Variants in PLCB4 observed in about 807,000 individuals in gnomAD.
The protein encoded by PLCB4 is 1-phosphatidylinositol 4,5-bisphosphate phosphodiesterase beta-4.
PLCB4 carries 77 observed loss-of-function variants against 178.8 expected under a neutral mutation model. That is an observed-to-expected ratio of 0.43 (90% CI 0.36 to 0.52). The LOEUF is 0.52. PLCB4 is among the 20% of genes least tolerant of loss of function. The pLI is 0.00. For synonymous variants in PLCB4, 496 were observed against 490.8 expected, an observed-to-expected ratio of 1.01 and a Z score of -0.14; for missense variants, 1,024 against 1,453.4, an observed-to-expected ratio of 0.70 and a Z score of 4.80.
chr20:9,456,015 TA>T (rs2043034969), intron 33 of PLCB4, among the ~76,000 whole-genome samples: 1 of 152,144 alleles, frequency 6.6e-6, no homozygotes, highest in East Asian at 1.9e-4. Flanking sequence ...TTTGTATTTT[TA>T]ATAGAAATGG....
chr20:9,138,138 G>A (rs2092420287), intron 2 of PLCB4, among the ~76,000 whole-genome samples: 1 of 152,068 alleles, frequency 6.6e-6, no homozygotes. Flanking sequence ...AACGTATCAG[G>A]AAGATAAGAG....
chr20:9,414,402 C>A (rs1192461144), intron 25 of PLCB4, among the ~76,000 whole-genome samples: 1 of 152,204 alleles, frequency 6.6e-6, no homozygotes, highest in Non-Finnish European at 1.5e-5. Flanking sequence ...GAGCTCCTGT[C>A]ACTGGTGCTC....
chr20:9,267,049 G>A (rs1054602380), intron 3 of PLCB4, among the ~76,000 whole-genome samples: 2 of 152,184 alleles, frequency 1.3e-5, no homozygotes, highest in Middle Eastern at 3.4e-3. Context: ...AATGGAGCAC[G>A]ACATACTACG....
intron 18 of PLCB4, among the ~76,000 whole-genome samples, chr20:9,395,125 A>G (rs548294281): frequency 6.6e-6 from 1 of 152,250 alleles, no homozygotes; most frequent in East Asian, 1.9e-4. Context: ...TTTGTTGCCA[A>G]CCTGCCTATT....
chr20:9,212,194 A>T (rs1174532175), intron 2 of PLCB4, among the ~76,000 whole-genome samples: 1 of 152,196 alleles, frequency 6.6e-6, no homozygotes, highest in Non-Finnish European at 1.5e-5. Context: ...ACACCAAAAT[A>T]AGTGGTTATT....
chr20:9,265,917 C>T (rs899336815), intron 3 of PLCB4, among the ~76,000 whole-genome samples: 1 of 152,160 alleles, frequency 6.6e-6, no homozygotes, highest in African/African-American at 2.4e-5. Context: ...GGGAATGGGT[C>T]CCAGCTGTTT....
intron 13 of PLCB4, among the ~76,000 whole-genome samples, chr20:9,383,807 TC>T (rs1269726516): frequency 1.3e-5 from 2 of 152,166 alleles, no homozygotes; most frequent in Non-Finnish European, 2.9e-5. Flanking sequence ...ATCTTGGAAG[TC>T]AGATAGGTCC....
intron 19 of PLCB4, 71 bp from the exon 20 acceptor site, chr20:9,401,419 A>T: frequency 9.9e-7 from 1 of 1,011,860 alleles, no homozygotes; most frequent in Non-Finnish European, 1.6e-6. Context: ...GTTCTACCCA[A>T]GATTGTGAAC....
chr20:9,194,867 C>T (rs992397860), intron 2 of PLCB4, among the ~76,000 whole-genome samples: 1 of 152,086 alleles, frequency 6.6e-6, no homozygotes. Flanking sequence ...TGTTTGCTTG[C>T]TTAACAGTTA....
chr20:9,198,363 T>C (rs572447404), intron 2 of PLCB4, among the ~76,000 whole-genome samples: 11 of 152,210 alleles, frequency 7.2e-5, no homozygotes, highest in Non-Finnish European at 1.5e-4. Flanking sequence ...GCTGTAAAAA[T>C]AGAAGAAAGA....
chr20:9,315,814 T>C (rs2094892173), intron 4 of PLCB4, among the ~76,000 whole-genome samples: 1 of 151,928 alleles, frequency 6.6e-6, no homozygotes, highest in African/African-American at 2.4e-5. Context: ...GCGCCTGTAG[T>C]CCCAGCAACT....
chr20:9,175,782 A>G (rs576240340), intron 2 of PLCB4, among the ~76,000 whole-genome samples: 66 of 152,314 alleles, frequency 4.3e-4, no homozygotes, highest in African/African-American at 1.5e-3. Context: ...TCCCATATTC[A>G]TAGCAAATCA....
intron 3 of PLCB4, among the ~76,000 whole-genome samples, chr20:9,293,141 G>C (rs1304237599): frequency 6.7e-6 from 1 of 149,256 alleles, no homozygotes; most frequent in Non-Finnish European, 1.5e-5. Context: ...GACACAGACA[G>C]AAGTAAGGAA....
At chr20:9,419,735 A>G (rs574795567) in intron 25 of PLCB4, 72 bp from the exon 26 acceptor site, 2 of 928,810 alleles carry the variant, frequency 2.2e-6, no homozygotes, top group Non-Finnish European at 3.6e-6. Context: ...GGAAGCATCC[A>G]TTGTTTCAAC....
intron 28 of PLCB4, among the ~76,000 whole-genome samples, chr20:9,429,051 A>T (rs1025110150): frequency 1.2e-4 from 19 of 152,218 alleles, no homozygotes; most frequent in Admixed American, 1.2e-3. Flanking sequence ...CTTCATGGAA[A>T]TGACATTATG....
Position 9,437,019 on chromosome 20 carries a change from G to T in PLCB4, c.2631G>T (p.Val877=), listed in dbSNP as rs533424909. 4.3e-6 allele frequency: 7 copies of T among 1,613,870 alleles called. 1 individual carries two copies. The highest frequency in any genetic ancestry group is 4.2e-6 in the Non-Finnish European group (5 of 1,179,954). The change falls in exon 30 of 40, where the codon GTG becomes GTT. Residue 877 remains valine, a synonymous_variant. Transcript: ENST00000378473. ...TGTTCCAGAGTGACATAGCCGACGTGCCCAGTGACACTTCCAAAAATGACA... is the reference window on the plus strand; with the variant it reads ...TGTTCCAGAGTGACATAGCCGACGTTCCCAGTGACACTTCCAAAAATGACA... The part of the protein sequence containing the change: ...MGIETSDIAD[V]PSDTSKNDKK...
chr20:9,148,427 C>T (rs1180578594), intron 2 of PLCB4, among the ~76,000 whole-genome samples: 1 of 152,006 alleles, frequency 6.6e-6, no homozygotes, highest in Non-Finnish European at 1.5e-5. Context: ...TCACAAAGGG[C>T]AAAGGGTAAG....
At chr20:9,374,503 G>C (rs1194054618) in intron 12 of PLCB4, among the ~76,000 whole-genome samples, 2 of 152,036 alleles carry the variant, frequency 1.3e-5, no homozygotes, top group African/African-American at 4.8e-5. Context: ...CATGCACTTT[G>C]GTTCAGTGAT....
chr20:9,069,453 A>G (rs938112269), intron 1 of PLCB4, among the ~76,000 whole-genome samples: 1 of 151,946 alleles, frequency 6.6e-6, no homozygotes, highest in East Asian at 1.9e-4. Context: ...CCAGACGTTC[A>G]CCCTCTTCTG....
Sources: allele counts gnomAD v4.1 joint callset (sites outside exome capture counted in the v4.1 genomes callset), GRCh38; gene constraint gnomAD v4.1.1; transcripts MANE v1.5; gene names NCBI Gene and HGNC (gene_info 2026-07-23, HGNC 2026-07-21).